SRGAP3: variants seen among roughly 807,000 people sequenced by gnomAD.
The protein encoded by SRGAP3 is SLIT-ROBO Rho GTPase activating protein 3.
Under a neutral mutation model 121.1 loss-of-function variants are expected in SRGAP3, and 39 were observed. That is an observed-to-expected ratio of 0.32 (90% CI 0.25 to 0.42). The LOEUF (loss-of-function observed/expected upper bound fraction) is 0.42, where lower values mean the gene tolerates loss of function less well. SRGAP3 is among the 10% of genes least tolerant of loss of function. SRGAP3 has a pLI of 1.00. For missense variants in SRGAP3, 1,213 were observed against 1,470.6 expected (o/e 0.82, Z 2.86); for synonymous variants, 601 against 570.0 (o/e 1.05, Z -0.77).
At chr3:9,144,034 C>T (rs1051929352) in intron 1 of SRGAP3, among the ~76,000 whole-genome samples, 2 of 151,844 alleles carry the variant, frequency 1.3e-5, no homozygotes, top group East Asian at 3.9e-4. Flanking sequence ...CCTAAACTAG[C>T]CCCCACATCA....
chr3:9,010,459 G>A (rs1943306338), intron 17 of SRGAP3, 72 bp from the exon 18 acceptor site: 2 of 1,578,024 alleles, frequency 1.3e-6, no homozygotes, highest in African/African-American at 1.3e-5. Context: ...AGCCTCTCAT[G>A]CCAGTCCAGT....
At chr3:9,181,975 G>A (rs1448366044) in intron 1 of SRGAP3, among the ~76,000 whole-genome samples, 1 of 152,108 alleles carries the variant, frequency 6.6e-6, no homozygotes, top group Non-Finnish European at 1.5e-5. Context: ...AGGAGTTCAA[G>A]ACCAGCCTGA....
At chr3:9,169,323 G>C (rs1474542819) in intron 1 of SRGAP3, among the ~76,000 whole-genome samples, 1 of 152,208 alleles carries the variant, frequency 6.6e-6, no homozygotes, top group African/African-American at 2.4e-5. Context: ...TCTGGTGGGA[G>C]AGGCAGATTG....
At chr3:8,989,321 C>A (rs1941904302) in intron 21 of SRGAP3, among the ~76,000 whole-genome samples, 1 of 152,188 alleles carries the variant, frequency 6.6e-6, no homozygotes, top group South Asian at 2.1e-4. Flanking sequence ...TGGCATGCCT[C>A]CTCGGAAGGC....
At chr3:9,045,621 G>C (rs186450488) in intron 10 of SRGAP3, among the ~76,000 whole-genome samples, 1 of 152,098 alleles carries the variant, frequency 6.6e-6, no homozygotes. Flanking sequence ...GGCAATGAAA[G>C]CTGCCTTTGT....
intron 1 of SRGAP3, among the ~76,000 whole-genome samples, chr3:9,202,546 C>G (rs772286107): frequency 9.9e-5 from 15 of 152,232 alleles, no homozygotes; most frequent in Non-Finnish European, 1.5e-4. Context: ...AAAGTGAACT[C>G]TTGTCTGGAG....
In SRGAP3 at chr3:8,982,975, G is replaced by A. The variant is rs935195437; in HGVS notation, c.*2544C>T. Reference sequence around the variant, plus strand: ...AGAGAAAAATCCACACGGTCTGATTGGTGTTATGTATATCAGGCAACAGAT... The same window carrying A: ...AGAGAAAAATCCACACGGTCTGATTAGTGTTATGTATATCAGGCAACAGAT... On this transcript the variant is annotated 3_prime_UTR_variant, in exon 22 of 22. Transcript: ENST00000383836. 4.8e-5 allele frequency: 11 copies of A among 229,430 alleles called. No homozygotes were observed. The highest frequency in any genetic ancestry group is 1.7e-4 in the Admixed American group (3 of 17,624). 14.2% of individuals were successfully genotyped at this position (229,430 alleles called of 1,614,324 possible).
chr3:9,339,638 CTCCCAG>C (rs1408796487), intron 1 of SRGAP3, among the ~76,000 whole-genome samples: 1 of 152,234 alleles, frequency 6.6e-6, no homozygotes, highest in African/African-American at 2.4e-5. Flanking sequence ...ATTAAGTGTT[CTCCCAG>C]TCTTTAAAGA....
At chr3:9,028,229 A>G in intron 12 of SRGAP3, 1 of 1,534,202 alleles carries the variant, frequency 6.5e-7, no homozygotes, top group Non-Finnish European at 9.0e-7. Context: ...AGAGTCCGTG[A>G]ACGCCGAAAT....
intron 1 of SRGAP3, among the ~76,000 whole-genome samples, chr3:9,169,318 T>G (rs889579415): frequency 2.0e-5 from 3 of 152,146 alleles, no homozygotes; most frequent in African/African-American, 7.2e-5. Flanking sequence ...GACAGTCTGG[T>G]GGGAGAGGCA....
chr3:9,301,518 A>G (rs1278931720), intron 3 of SRGAP3, among the ~76,000 whole-genome samples: 3 of 152,198 alleles, frequency 2.0e-5, no homozygotes, highest in African/African-American at 7.2e-5. Flanking sequence ...CTTTTGTGCC[A>G]CGTAAGAGCA....
At chr3:9,107,552 C>G (rs943433553) in intron 2 of SRGAP3, among the ~76,000 whole-genome samples, 2 of 152,194 alleles carry the variant, frequency 1.3e-5, no homozygotes, top group Non-Finnish European at 2.9e-5. Context: ...TAGATGATAC[C>G]TCCCTAGAGA....
At chr3:9,256,475 C>G (rs530441155) in intron 3 of SRGAP3, among the ~76,000 whole-genome samples, 1 of 151,994 alleles carries the variant, frequency 6.6e-6, no homozygotes, top group Admixed American at 6.6e-5. Context: ...GGAGAGTTAG[C>G]TGGCCCTGTG....
At chr3:9,352,877 G>GT (rs1198606069) in intron 1 of SRGAP3, among the ~76,000 whole-genome samples, 2 of 152,234 alleles carry the variant, frequency 1.3e-5, no homozygotes, top group African/African-American at 2.4e-5. Context: ...CCTCAACTGA[G>GT]TATGTGCTCT....
At chr3:9,174,849 G>A (rs1434357670) in intron 1 of SRGAP3, among the ~76,000 whole-genome samples, 3 of 152,210 alleles carry the variant, frequency 2.0e-5, no homozygotes, top group African/African-American at 7.2e-5. Context: ...GGAAACTGAG[G>A]GCAGCAGAAA....
chr3:9,151,382 G>A (rs1950203874), intron 1 of SRGAP3, among the ~76,000 whole-genome samples: 1 of 152,206 alleles, frequency 6.6e-6, no homozygotes, highest in Non-Finnish European at 1.5e-5. Flanking sequence ...GGCAGCTGGA[G>A]AGGCAGCCTG....
intron 17 of SRGAP3, among the ~76,000 whole-genome samples, chr3:9,011,976 G>A (rs1943401922): frequency 6.6e-6 from 1 of 152,200 alleles, no homozygotes; most frequent in Non-Finnish European, 1.5e-5. Flanking sequence ...ATTGCAGCAA[G>A]AAAAGAGAAC....
intron 1 of SRGAP3, among the ~76,000 whole-genome samples, chr3:9,206,686 C>CCTT (rs1169509192): frequency 6.6e-6 from 1 of 152,126 alleles, no homozygotes; most frequent in Non-Finnish European, 1.5e-5. Context: ...GCCAGCTCAC[C>CCTT]CTTCATTCAG....
intron 1 of SRGAP3, chr3:9,349,063 C>G (rs575984391): frequency 2.1e-6 from 2 of 966,274 alleles, no homozygotes; most frequent in African/African-American, 3.2e-5. Context: ...TGGAGCTGAA[C>G]CTGCCCACTG....
Sources: gnomAD v4.1 joint callset for allele counts (sites outside exome capture counted in the v4.1 genomes callset) on GRCh38, gnomAD v4.1.1 for gene constraint, MANE v1.5 for transcripts, NCBI Gene and HGNC (gene_info 2026-07-23, HGNC 2026-07-21) for gene names.